The following KIAA1328 variants were observed in gnomAD, a reference collection of about 807,000 sequenced individuals.
The protein encoded by KIAA1328 is KIAA1328.
KIAA1328 carries 52 observed loss-of-function variants against 68.1 expected under a neutral mutation model. The observed-to-expected ratio is 0.76, with a 90% CI of 0.61 to 0.96. The LOEUF is 0.96. KIAA1328 is among the 40% of genes least tolerant of loss of function. KIAA1328 has a pLI of 0.00. For synonymous variants in KIAA1328, 232 were observed against 239.4 expected (o/e 0.97, Z 0.28); for missense variants, 641 against 677.6 (o/e 0.95, Z 0.60).
intron 7 of KIAA1328, among the ~76,000 whole-genome samples, chr18:37,145,886 G>A (rs143599029): frequency 3.3e-5 from 5 of 151,800 alleles, no homozygotes; most frequent in African/African-American, 1.2e-4. Context: ...ATTTTGTTCT[G>A]CATTTTTCTC....
At position 36,905,387 on chromosome 18, in the gene KIAA1328, C is replaced by T. The variant is rs563630154; in HGVS notation, c.448+19715C>T. On this transcript the variant is annotated intron_variant, in intron 5 of 9. Coordinates refer to ENST00000280020, the MANE Select transcript of KIAA1328 (RefSeq NM_020776.3). Reference sequence around the variant, plus strand: ...TCGGTCTCCTGAAGTGCTGGGATTACAGGCGTGACCCACCATGCCTGGCCT... The same window carrying T: ...TCGGTCTCCTGAAGTGCTGGGATTATAGGCGTGACCCACCATGCCTGGCCT... Among the ~76,000 whole-genome samples the T allele has an allele frequency of 6.6e-5, 10 of 152,162 alleles. No individual in the cohort carries two copies. In the South Asian group the frequency reaches 2.1e-3, roughly 32 times the overall value.
At chr18:36,853,222 A>T (rs2047272042) in intron 4 of KIAA1328, among the ~76,000 whole-genome samples, 1 of 152,212 alleles carries the variant, frequency 6.6e-6, no homozygotes, top group Non-Finnish European at 1.5e-5. Flanking sequence ...CCTGTAGATT[A>T]TGATTTTTAA....
At chr18:37,149,302 G>A (rs567490095) in intron 7 of KIAA1328, among the ~76,000 whole-genome samples, 2 of 152,088 alleles carry the variant, frequency 1.3e-5, no homozygotes, top group South Asian at 4.1e-4. Context: ...ACAAAAACAA[G>A]CATTGGGAAA....
chr18:36,965,331 A>G (rs986499848), intron 6 of KIAA1328, among the ~76,000 whole-genome samples: 6 of 151,786 alleles, frequency 4.0e-5, no homozygotes, highest in Admixed American at 3.3e-4. Flanking sequence ...AGACTGGTCA[A>G]GAATCTGAAA....
intron 9 of KIAA1328, among the ~76,000 whole-genome samples, chr18:37,216,965 C>T (rs1305704615): frequency 2.8e-5 from 4 of 143,444 alleles, no homozygotes; most frequent in African/African-American, 1.0e-4. Flanking sequence ...GATTGCAACC[C>T]CTGCTTTTTT....
chr18:36,880,420 G>A (rs372897828), intron 4 of KIAA1328, among the ~76,000 whole-genome samples: 1 of 152,178 alleles, frequency 6.6e-6, no homozygotes, highest in Non-Finnish European at 1.5e-5. Flanking sequence ...CCCACCTTCT[G>A]CGTTGGTCTC....
At chr18:37,069,978 G>A (rs1015030840) in intron 7 of KIAA1328, among the ~76,000 whole-genome samples, 10 of 151,862 alleles carry the variant, frequency 6.6e-5, no homozygotes, top group African/African-American at 1.5e-4. Flanking sequence ...TTCCCTTCTC[G>A]GCACTGATTC....
intron 7 of KIAA1328, chr18:37,084,115 A>G (rs941594825): frequency 9.1e-6 from 13 of 1,430,066 alleles, no homozygotes; most frequent in African/African-American, 1.5e-5. Context: ...TTTTAAATTA[A>G]TTTTTACAGG....
intron 8 of KIAA1328, among the ~76,000 whole-genome samples, chr18:37,167,383 C>T (rs1040837989): frequency 2.6e-5 from 4 of 152,120 alleles, no homozygotes; most frequent in African/African-American, 4.8e-5. Flanking sequence ...CTGGATCACA[C>T]GTGGGCTTGG....
rs1469135019 is a variant in KIAA1328 at position 37,099,301 on chromosome 18, C to T, written c.1232+31756C>T. Among the ~76,000 whole-genome samples the T allele has an allele frequency of 2.6e-5, 4 of 152,296 alleles. No homozygotes were observed. In the South Asian group the frequency reaches 8.3e-4, roughly 32 times the overall value. On this transcript the variant is annotated intron_variant, in intron 7 of 9. Coordinates refer to ENST00000280020, the MANE Select transcript of KIAA1328 (RefSeq NM_020776.3). ...CTTTGTTCTCATTGGTTTCAAAGAA[C>T]ATCTTTATTTCTGCCTTCATTTTGT...
chr18:37,014,966 G>A (rs2054101352), intron 6 of KIAA1328, among the ~76,000 whole-genome samples: 3 of 152,074 alleles, frequency 2.0e-5, no homozygotes, highest in Non-Finnish European at 2.9e-5. Context: ...GCAGTGGCAC[G>A]ATCTCGGCTC....
intron 5 of KIAA1328, among the ~76,000 whole-genome samples, chr18:36,920,552 G>A (rs2049879194): frequency 6.6e-6 from 1 of 152,094 alleles, no homozygotes; most frequent in Admixed American, 6.6e-5. Flanking sequence ...CAATCATTTG[G>A]AATCAATGTG....
At chr18:37,160,439 G>A in intron 8 of KIAA1328, 58 bp downstream of exon 8, 1 of 1,468,642 alleles carries the variant, frequency 6.8e-7, no homozygotes, top group Non-Finnish European at 9.3e-7. Flanking sequence ...GTAGTTGCTA[G>A]CCAATGAATT....
At chr18:36,929,425 G>T (rs1228504949) in intron 5 of KIAA1328, among the ~76,000 whole-genome samples, 1 of 151,210 alleles carries the variant, frequency 6.6e-6, no homozygotes, top group Non-Finnish European at 1.5e-5. Context: ...CAGTTTTATT[G>T]TTAATTGTAG....
At chr18:37,220,752 G>A (rs1238172584) in intron 9 of KIAA1328, among the ~76,000 whole-genome samples, 1 of 152,148 alleles carries the variant, frequency 6.6e-6, no homozygotes, top group Non-Finnish European at 1.5e-5. Context: ...CCATTAATTT[G>A]GAGCTAGGTT....
intron 7 of KIAA1328, among the ~76,000 whole-genome samples, chr18:37,091,008 C>G (rs1473057434): frequency 6.6e-6 from 1 of 152,056 alleles, no homozygotes; most frequent in Non-Finnish European, 1.5e-5. Context: ...AGTAATACAT[C>G]CAGAATATAG....
At chr18:36,887,505 G>A (rs935017422) in intron 5 of KIAA1328, among the ~76,000 whole-genome samples, 2 of 151,892 alleles carry the variant, frequency 1.3e-5, no homozygotes, top group African/African-American at 4.8e-5. Flanking sequence ...TTTCCATTAA[G>A]GCAGGCAGAA....
chr18:37,044,334 A>T (rs1234464335), intron 6 of KIAA1328, among the ~76,000 whole-genome samples: 5 of 152,150 alleles, frequency 3.3e-5, no homozygotes, highest in African/African-American at 1.2e-4. Flanking sequence ...CCTATCCGTC[A>T]TCTCCCTTCC....
intron 8 of KIAA1328, among the ~76,000 whole-genome samples, chr18:37,161,485 A>T (rs1387510634): frequency 6.6e-6 from 1 of 152,266 alleles, no homozygotes; most frequent in Non-Finnish European, 1.5e-5. Context: ...TTTGTTAGAC[A>T]TAAGGCAAAG....
Sources: gnomAD v4.1 joint callset for allele counts (sites outside exome capture counted in the v4.1 genomes callset) on GRCh38, gnomAD v4.1.1 for gene constraint, MANE v1.5 for transcripts, NCBI Gene and HGNC (gene_info 2026-07-23, HGNC 2026-07-21) for gene names.